PLCL1: variants seen among roughly 807,000 people sequenced by gnomAD.
PLCL1 encodes the protein phospholipase C like 1 (inactive), also known as inactive phospholipase C-like protein 1.
Under a neutral mutation model 84.4 loss-of-function variants are expected in PLCL1, and 41 were observed. The observed-to-expected ratio is 0.49, with a 90% CI of 0.38 to 0.63. The LOEUF is 0.63. Ranked by LOEUF, PLCL1 falls within the 30% of genes least tolerant of loss-of-function variation. The pLI is 0.00. For missense variants in PLCL1, 1,206 were observed against 1,367.8 expected (o/e 0.88, Z 1.87); for synonymous variants, 490 against 488.3 (o/e 1.00, Z -0.05).
chr2:197,986,536 G>A (rs1037198099), intron 1 of PLCL1, among the ~76,000 whole-genome samples: 1 of 152,042 alleles, frequency 6.6e-6, no homozygotes, highest in African/African-American at 2.4e-5. Flanking sequence ...ATTTTGTAGA[G>A]ATGGAGTCTT....
chr2:197,877,375 G>A (rs1478746541), intron 1 of PLCL1, among the ~76,000 whole-genome samples: 1 of 151,860 alleles, frequency 6.6e-6, no homozygotes, highest in Admixed American at 6.6e-5. Flanking sequence ...TGTTTATAAG[G>A]GCTTTTAAAG....
At chr2:197,867,987 C>T (rs938212458) in intron 1 of PLCL1, among the ~76,000 whole-genome samples, 2 of 152,126 alleles carry the variant, frequency 1.3e-5, no homozygotes, top group Non-Finnish European at 2.9e-5. Flanking sequence ...ATACTTTAAA[C>T]ATGACAATGA....
intron 1 of PLCL1, among the ~76,000 whole-genome samples, chr2:197,991,802 A>G (rs1690351015): frequency 6.6e-6 from 1 of 151,882 alleles, no homozygotes; most frequent in Non-Finnish European, 1.5e-5. Flanking sequence ...ATCCTCTCCT[A>G]GCTTACTCCC....
intron 1 of PLCL1, among the ~76,000 whole-genome samples, chr2:197,976,737 G>T (rs1689989937): frequency 6.6e-6 from 1 of 152,192 alleles, no homozygotes; most frequent in South Asian, 2.1e-4. Flanking sequence ...ATGAGCCACT[G>T]TGCCCGGCCA....
chr2:198,114,238 C>T (rs1007622218), intron 5 of PLCL1, among the ~76,000 whole-genome samples: 2 of 151,790 alleles, frequency 1.3e-5, no homozygotes, highest in Admixed American at 6.6e-5. Context: ...TGGCTGCATC[C>T]CAGCTGTGCT....
At chr2:197,878,670 T>C (rs1380820772) in intron 1 of PLCL1, among the ~76,000 whole-genome samples, 1 of 152,142 alleles carries the variant, frequency 6.6e-6, no homozygotes, top group Non-Finnish European at 1.5e-5. Context: ...CAAAGTTCAT[T>C]GAACAAAGTA....
chr2:197,828,541 A>G (rs956761938), intron 1 of PLCL1, among the ~76,000 whole-genome samples: 5 of 152,130 alleles, frequency 3.3e-5, no homozygotes, highest in African/African-American at 1.2e-4. Context: ...GTGGCTTTTG[A>G]AAAAATATTC....
At position 197,871,800 on chromosome 2, in the gene PLCL1, G is replaced by T. The variant is rs1028616966; in HGVS notation, c.240+66461G>T. Among the ~76,000 whole-genome samples the T allele has an allele frequency of 5.9e-5, 9 of 152,054 alleles. 1 individual carries two copies. Among genetic ancestry groups the T allele is most frequent in the Admixed American group, 3.9e-4 (6 of 15,244 alleles). On this transcript the variant is annotated intron_variant, in intron 1 of 5. Transcript: ENST00000428675. ...GTGCTTTGAGTAAATCTCTAATTTT[G>T]CTTTGATTGCTCTGGTTAACACACA... is the stretch of plus-strand genomic sequence containing the variant.
At chr2:198,134,871 T>G (rs943084421) in intron 5 of PLCL1, among the ~76,000 whole-genome samples, 1 of 152,214 alleles carries the variant, frequency 6.6e-6, no homozygotes, top group Admixed American at 6.5e-5. Context: ...ATCAGTTCAC[T>G]CTATGGTATA....
intron 1 of PLCL1, among the ~76,000 whole-genome samples, chr2:198,060,419 G>A (rs1692165112): frequency 1.3e-5 from 2 of 152,180 alleles, no homozygotes; most frequent in Non-Finnish European, 2.9e-5. Flanking sequence ...TCCTGGGTGT[G>A]GAGAGTGCTG....
intron 3 of PLCL1, among the ~76,000 whole-genome samples, chr2:198,100,656 T>C (rs967250335): frequency 7.2e-5 from 11 of 151,984 alleles, no homozygotes; most frequent in African/African-American, 2.7e-4. Context: ...TACTGTAGTT[T>C]TGGATGATGA....
At chr2:197,840,144 T>C (rs1686966553) in intron 1 of PLCL1, among the ~76,000 whole-genome samples, 1 of 152,194 alleles carries the variant, frequency 6.6e-6, no homozygotes, top group Non-Finnish European at 1.5e-5. Context: ...AATAGTTGGC[T>C]AGAGGGAAAG....
In PLCL1 at chr2:198,040,603, A is replaced by G. The variant is rs192366985; in HGVS notation, c.241-43155A>G. Among the ~76,000 whole-genome samples, 3 of 152,178 alleles carry G rather than the reference A, an allele frequency of 2.0e-5. No homozygotes were observed. The East Asian group carries it at 5.8e-4, about 29-fold the overall frequency. On this transcript the variant is annotated intron_variant, in intron 1 of 5. Coordinates refer to ENST00000428675, the MANE Select transcript of PLCL1 (RefSeq NM_006226.4). ...AGGAGGCTTATGAGCTTCCCTGGGA[A>G]TTGCTTTCTTCTTCCAGCTTCTGAA...
At chr2:198,073,455 G>A (rs948173913) in intron 1 of PLCL1, among the ~76,000 whole-genome samples, 1 of 152,196 alleles carries the variant, frequency 6.6e-6, no homozygotes, top group Non-Finnish European at 1.5e-5. Flanking sequence ...CATTCCGGAA[G>A]TTATGGGTAA....
At chr2:198,034,308 T>A (rs1691502534) in intron 1 of PLCL1, among the ~76,000 whole-genome samples, 1 of 152,216 alleles carries the variant, frequency 6.6e-6, no homozygotes, top group South Asian at 2.1e-4. Flanking sequence ...TCTATGTCCC[T>A]ACAAAGGACA....
chr2:197,818,428 G>A (rs1405714362), intron 1 of PLCL1, among the ~76,000 whole-genome samples: 1 of 152,016 alleles, frequency 6.6e-6, no homozygotes, highest in Non-Finnish European at 1.5e-5. Flanking sequence ...TGGGGCGGGG[G>A]GTGTTTGTGG....
chr2:197,873,569 G>T (rs916382588), intron 1 of PLCL1, among the ~76,000 whole-genome samples: 6 of 152,092 alleles, frequency 3.9e-5, no homozygotes, highest in Admixed American at 2.6e-4. Context: ...TTATGCACAT[G>T]CAAATAACAG....
rs1363350625 is a variant in PLCL1 at position 198,112,256 on chromosome 2, T to G, written c.3105+8320T>G. 2.6e-5 allele frequency among the ~76,000 whole-genome samples: 4 copies of G among 151,910 alleles called. No homozygotes were observed. In the South Asian group the frequency reaches 6.2e-4, roughly 24 times the overall value. On this transcript the variant is annotated intron_variant, in intron 5 of 5. Coordinates refer to ENST00000428675, the MANE Select transcript of PLCL1 (RefSeq NM_006226.4). ...CAGGGCCTGATCACCCCTGAGCGAA[T>G]GGATACAGTTGAGTCCTTGGACAGG...
At chr2:198,037,195 G>A (rs1574264718) in intron 1 of PLCL1, among the ~76,000 whole-genome samples, 1 of 152,208 alleles carries the variant, frequency 6.6e-6, no homozygotes, top group East Asian at 1.9e-4. Context: ...AAAATCCATT[G>A]CTAGCATACA....
Sources: gnomAD v4.1 joint callset for allele counts (sites outside exome capture counted in the v4.1 genomes callset) on GRCh38, gnomAD v4.1.1 for gene constraint, MANE v1.5 for transcripts, NCBI Gene and HGNC (gene_info 2026-07-23, HGNC 2026-07-21) for gene names.